Variants in ERCC1 observed in about 807,000 individuals in gnomAD.
ERCC1 encodes ERCC excision repair 1, endonuclease non-catalytic subunit.
A neutral mutation model predicts 37.6 loss-of-function variants in ERCC1; 36 were observed. The ratio of observed to expected loss-of-function variants is 0.96; its 90% CI spans 0.73 to 1.26. ERCC1 has a LOEUF of 1.26. ERCC1 is among the 50% of genes most tolerant of loss of function. The probability of loss-of-function intolerance (pLI) is 0.00; values close to 1 mark genes in which losing one functional copy is unlikely to be tolerated. For synonymous variants in ERCC1, 156 were observed against 162.1 expected, an observed-to-expected ratio of 0.96 and a Z score of 0.28; for missense variants, 349 against 376.5, an observed-to-expected ratio of 0.93 and a Z score of 0.60.
chr19:45,427,069 C>T (rs1359422069), upstream of ERCC1, among the ~76,000 whole-genome samples: 1 of 151,300 alleles, frequency 6.6e-6, no homozygotes, highest in Non-Finnish European at 1.5e-5. Context: ...GCAGAGGCTG[C>T]AGTGAGCTGC....
At chr19:45,412,711 T>C (rs1452634374) in intron 9 of ERCC1, among the ~76,000 whole-genome samples, 4 of 152,064 alleles carry the variant, frequency 2.6e-5, no homozygotes, top group African/African-American at 9.7e-5. Flanking sequence ...TTGTGGAATG[T>C]TTGCTGTGCA....
chr19:45,444,008 A>G (rs1447768640), intron 1 of ERCC1, among the ~76,000 whole-genome samples: 1 of 131,112 alleles, frequency 7.6e-6, no homozygotes, highest in Non-Finnish European at 1.6e-5. Flanking sequence ...TCCTTCACTC[A>G]TCCATACCGG....
chr19:45,407,456 C>T lies in ERCC1; in HGVS notation c.*2219G>A. The T allele has an allele frequency of 3.8e-6, 2 of 526,554 alleles. No homozygotes were observed. The highest frequency in any genetic ancestry group is 7.0e-5 in the East Asian group (2 of 28,646). 32.6% of individuals were successfully genotyped at this position (526,554 alleles called of 1,614,324 possible). ...TCTACTTATAAGAAACTATAAGGAA[C>T]TATAGTTAAACTTGGAGTGTGCAGA... On this transcript the variant is annotated 3_prime_UTR_variant, in exon 10 of 10. Coordinates refer to ENST00000300853, the MANE Select transcript of ERCC1 (RefSeq NM_001983.4).
intron 1 of ERCC1, among the ~76,000 whole-genome samples, chr19:45,434,365 C>T (rs1013274681): frequency 1.1e-4 from 16 of 150,902 alleles, no homozygotes; most frequent in African/African-American, 3.9e-4. Context: ...GTGGCATGTG[C>T]CTGTAGTCCC....
chr19:45,417,640 T>C (rs1046245600), intron 5 of ERCC1, among the ~76,000 whole-genome samples: 2 of 151,912 alleles, frequency 1.3e-5, no homozygotes, highest in African/African-American at 2.4e-5. Flanking sequence ...CAGGGCCCCA[T>C]AGGTCATGGA....
chr19:45,407,505 A>G lies in ERCC1; in HGVS notation c.*2170T>C, dbSNP rs971656717. 9.3e-6 allele frequency: 4 copies of G among 429,880 alleles called. No homozygotes were observed. The highest frequency in any genetic ancestry group is 2.1e-5 in the African/African-American group (1 of 48,108). 26.6% of individuals were successfully genotyped at this position (429,880 alleles called of 1,614,324 possible). ...GATAAGCTCACTAAAGGTAGGGGCT[A>G]TTGGTGTTATCCACGACCATTAATC... On this transcript the variant is annotated 3_prime_UTR_variant, in exon 10 of 10. Transcript: ENST00000300853.
Position 45,423,691 on chromosome 19 carries a change from T to TC in ERCC1, c.-8+89dup, listed in dbSNP as rs1297239632. Reference sequence around the variant, plus strand: ...CCCCGAGGCTAGCATCTGGACGCCCTCCCCACGCCTGGCCTTGTCCATCTC... The same window carrying TC: ...CCCCGAGGCTAGCATCTGGACGCCCTCCCCCACGCCTGGCCTTGTCCATCTC... On this transcript the variant is annotated intron_variant, in intron 1 of 9. Transcript: ENST00000300853. The TC allele has an allele frequency of 2.4e-6, 3 of 1,235,428 alleles. No homozygotes were observed. In the African/African-American group the frequency reaches 4.7e-5, roughly 19 times the overall value. The allele number at this position is 1,235,428 out of a possible 1,614,324, so 76.5% of individuals were successfully genotyped here. A position where few individuals can be genotyped will look rare whatever the true frequency, so the allele number is the denominator to read the frequency against.
At chr19:45,423,547 C>A in intron 1 of ERCC1, 166 bp from the exon 2 acceptor site, 3 of 1,440,264 alleles carry the variant, frequency 2.1e-6, no homozygotes, top group South Asian at 1.4e-5. Flanking sequence ...GCCCCTTTGA[C>A]CTCCACCTTC....
intron 1 of ERCC1, among the ~76,000 whole-genome samples, chr19:45,445,341 C>G (rs1966910352): frequency 6.6e-6 from 1 of 152,156 alleles, no homozygotes; most frequent in Non-Finnish European, 1.5e-5. Context: ...TATTGAGCAT[C>G]TACTATACGC....
rs140904740 is a variant in ERCC1, at chr19:45,413,760, C to T, written c.775-15G>A. ...TGTTCCAGAGACTGAAAGGTGAAAG[C>T]GAGGGGTCAGGGCAGTTGAGCACAA... On this transcript the variant is annotated splice_polypyrimidine_tract_variant and intron_variant, in intron 8 of 9. Coordinates refer to ENST00000300853, the MANE Select transcript of ERCC1 (RefSeq NM_001983.4). 40 of 1,612,630 alleles carry T rather than the reference C, an allele frequency of 2.5e-5. No individual in the cohort carries two copies. The highest frequency in any genetic ancestry group is 3.8e-4 in the Middle Eastern group (2 of 5,294).
intron 1 of ERCC1, among the ~76,000 whole-genome samples, chr19:45,436,408 C>T (rs1351648815): frequency 6.6e-6 from 1 of 152,008 alleles, no homozygotes; most frequent in Non-Finnish European, 1.5e-5. Context: ...GGGCGGATCA[C>T]GAGGTCAAGA....
At chr19:45,423,600 G>A in intron 1 of ERCC1, 181 bp downstream of exon 1, 2 of 1,394,230 alleles carry the variant, frequency 1.4e-6, no homozygotes, top group Non-Finnish European at 1.9e-6. Flanking sequence ...CCATCGCTCC[G>A]CCCCTCGCCC....
At position 45,423,317 on chromosome 19, in the gene ERCC1, T is replaced by C; in HGVS notation, c.58A>G (p.Lys20Glu). 1.9e-6 allele frequency: 3 copies of C among 1,613,932 alleles called. No homozygotes were observed. Among genetic ancestry groups the C allele is most frequent in the Non-Finnish European group, 2.5e-6 (3 of 1,179,962 alleles). ...TCGTCGAGGGGTATCACAAATTTCT[T>C]CCTTGCTGGCGGCCCTGAGGGCTGG... ...VPQPSGPPAR[K>E]KFVIPLDEDE... Residue 20 changes from lysine to glutamate, a missense_variant, in exon 2 of 10, where the codon AAG (lysine) becomes GAG (glutamate). By Grantham distance (56) the Lys-to-Glu change is moderately conservative. Transcript: ENST00000300853.
intron 1 of ERCC1, among the ~76,000 whole-genome samples, chr19:45,449,868 G>T (rs1306759186): frequency 6.6e-6 from 1 of 152,070 alleles, no homozygotes; most frequent in African/African-American, 2.4e-5. Context: ...GGAGGCTGAG[G>T]CAGGAGAATC....
intron 1 of ERCC1, chr19:45,450,867 G>A (rs1469098324): frequency 6.8e-6 from 1 of 146,142 alleles, no homozygotes. Context: ...AAACGACGCG[G>A]CCGCCGTCTC....
In ERCC1 at chr19:45,421,181, C is replaced by T. The variant is rs1219133420; in HGVS notation, c.318G>A (p.Arg106=). ...AKSNSIIVSP[R]QRGNPVLKFV... ...ACTTCTCCGTCTCCCTCCTCACCTG[C>T]CGAGGGCTCACAATGATGCTGTTGG... Residue 106 remains arginine, a synonymous_variant, in exon 3 of 10, where the codon CGG becomes CGA. Coordinates refer to ENST00000300853, the MANE Select transcript of ERCC1 (RefSeq NM_001983.4). The T allele has an allele frequency of 6.2e-7, 1 of 1,613,940 alleles. No individual in the cohort carries two copies. Among genetic ancestry groups the T allele is most frequent in the South Asian group, 1.1e-5 (1 of 91,078 alleles).
chr19:45,416,715 C>G, intron 6 of ERCC1, 106 bp downstream of exon 6: 1 of 813,240 alleles, frequency 1.2e-6, no homozygotes, highest in Admixed American at 2.0e-5. Flanking sequence ...GTGCCTGCAC[C>G]AGGCCCACAC....
intron 7 of ERCC1, chr19:45,414,565 G>A (rs544649275): frequency 4.6e-6 from 2 of 433,964 alleles, no homozygotes; most frequent in South Asian, 2.2e-5. Context: ...CCTGGGAGAA[G>A]TGAAGTGTGA....
At chr19:45,415,742 A>G (rs962930304) in intron 6 of ERCC1, 22 of 455,342 alleles carry the variant, frequency 4.8e-5, no homozygotes, top group Non-Finnish European at 7.5e-5. Flanking sequence ...GCGCATCTTG[A>G]TATCTTTTCT....
Sources: gnomAD v4.1 joint callset for allele counts (sites outside exome capture counted in the v4.1 genomes callset) on GRCh38, gnomAD v4.1.1 for gene constraint, MANE v1.5 for transcripts, NCBI Gene and HGNC (gene_info 2026-07-23, HGNC 2026-07-21) for gene names.